WDR49: variants seen among roughly 807,000 people sequenced by gnomAD.
The protein encoded by WDR49 is cilia- and flagella-associated protein 337.
A neutral mutation model predicts 119.5 loss-of-function variants in WDR49; 107 were observed. That is an observed-to-expected ratio of 0.90 (90% CI 0.77 to 1.05). The LOEUF is 1.05. Ranked by LOEUF, WDR49 falls within the 50% of genes least tolerant of loss-of-function variation. The pLI is 0.00. For missense variants in WDR49, 1,240 were observed against 1,220.5 expected (o/e 1.02, Z -0.24); for synonymous variants, 425 against 418.8 (o/e 1.01, Z -0.18).
At chr3:167,614,247 G>A (rs1203808460) in intron 5 of WDR49, among the ~76,000 whole-genome samples, 4 of 151,796 alleles carry the variant, frequency 2.6e-5, no homozygotes, top group South Asian at 4.2e-4. Flanking sequence ...GATTACAAGC[G>A]CCCACCACCA....
In WDR49 at chr3:167,503,730, G is replaced by C. The variant is rs142600048; in HGVS notation, c.2884+1577C>G. 1.3e-3 allele frequency among the ~76,000 whole-genome samples: 201 copies of C among 152,292 alleles called. 4 individuals carry two copies. The East Asian group carries it at 0.03, about 23-fold the overall frequency. ...GAAGGTGGCCAGCAGCAGTGGTGGAGGGCGACTGAAAGCTCAGCCCGAGCC... is the reference window on the plus strand; with the variant it reads ...GAAGGTGGCCAGCAGCAGTGGTGGACGGCGACTGAAAGCTCAGCCCGAGCC... On this transcript the variant is annotated intron_variant, in intron 17 of 18. Coordinates refer to ENST00000682715, the MANE Select transcript of WDR49 (RefSeq NM_001366157.1).
Position 167,627,165 on chromosome 3 carries a change from T to A in WDR49, c.293A>T (p.Asp98Val). ...CAGCTTGTCCCAATTAATGAAGCCA[T>A]CTTGGGCCACATCCACTTTGTCAAA... Reference protein sequence around the residue: ...ELFDKVDVAQDGFINWDKLTS... With the variant: ...ELFDKVDVAQVGFINWDKLTS... The change falls in exon 3 of 19, where the codon GAT (aspartate) becomes GTT (valine). Residue 98 changes from aspartate to valine, a missense_variant. Transcript: ENST00000682715. 1.6e-6 allele frequency: 2 copies of A among 1,261,070 alleles called. No homozygotes were observed. Among genetic ancestry groups the A allele is most frequent in the Non-Finnish European group, 2.0e-6 (2 of 1,004,242 alleles). The allele number at this position is 1,261,070 out of a possible 1,614,324, so 78.1% of individuals were successfully genotyped here.
intron 5 of WDR49, among the ~76,000 whole-genome samples, chr3:167,613,905 A>C (rs889480740): frequency 2.7e-5 from 4 of 150,396 alleles, no homozygotes; most frequent in African/African-American, 9.8e-5. Flanking sequence ...AGATCATGCC[A>C]CTGCAGCCTG....
intron 11 of WDR49, 55 bp from the exon 12 acceptor site, chr3:167,533,032 T>C (rs1752904573): frequency 3.8e-6 from 5 of 1,304,264 alleles, no homozygotes; most frequent in South Asian, 1.4e-5. Context: ...ATAGAAAATA[T>C]GAGCAACAGC....
At chr3:167,492,393 T>C (rs1751174237) in intron 18 of WDR49, among the ~76,000 whole-genome samples, 1 of 152,140 alleles carries the variant, frequency 6.6e-6, no homozygotes, top group African/African-American at 2.4e-5. Context: ...AGCATTCCCA[T>C]CTAGGCTCTA....
intron 2 of WDR49, among the ~76,000 whole-genome samples, chr3:167,646,348 G>A (rs941934366): frequency 1.7e-4 from 26 of 152,106 alleles, no homozygotes; most frequent in Admixed American, 1.4e-3. Flanking sequence ...TGCTATCTCT[G>A]GGGCCAAGGA....
chr3:167,523,909 T>C (rs541117760), intron 15 of WDR49, among the ~76,000 whole-genome samples: 3 of 152,112 alleles, frequency 2.0e-5, no homozygotes, highest in Admixed American at 6.6e-5. Flanking sequence ...TGAGTATATA[T>C]TCAGTAATGG....
chr3:167,535,343 TGATA>T (rs1484290954), intron 11 of WDR49, among the ~76,000 whole-genome samples: 2 of 152,120 alleles, frequency 1.3e-5, no homozygotes, highest in Non-Finnish European at 2.9e-5. Flanking sequence ...ACTTTACATC[TGATA>T]GTATAAGGGG....
chr3:167,513,415 G>A (rs1370216890), intron 16 of WDR49, among the ~76,000 whole-genome samples: 2 of 152,128 alleles, frequency 1.3e-5, no homozygotes, highest in African/African-American at 2.4e-5. Flanking sequence ...AATGCTGCGG[G>A]AATTCATCAC....
rs76805131 is a variant in WDR49, at chr3:167,532,631, T to G, written c.2053+248A>C. ...TAAAAATGACAGTCTTGCTCCCTGCTGTCGGTAGTTCAGAAATACCAATGT... is the reference window on the plus strand; with the variant it reads ...TAAAAATGACAGTCTTGCTCCCTGCGGTCGGTAGTTCAGAAATACCAATGT... On this transcript the variant is annotated intron_variant, in intron 12 of 18. Transcript: ENST00000682715. 4.6e-3 allele frequency among the ~76,000 whole-genome samples: 707 copies of G among 152,262 alleles called. 3 individuals are homozygous for G. Among genetic ancestry groups the G allele is most frequent in the African/African-American group, 0.016 (668 of 41,568 alleles).
Position 167,528,945 on chromosome 3 carries a change from A to G in WDR49, c.2406+107T>C, listed in dbSNP as rs546735031. On this transcript the variant is annotated intron_variant, in intron 14 of 18. Coordinates refer to ENST00000682715, the MANE Select transcript of WDR49 (RefSeq NM_001366157.1). Reference sequence around the variant, plus strand: ...GTTTTATTTAAAACACTTAGACTATACATTTTTTCCTTTGTTTAGGAGACA... The same window carrying G: ...GTTTTATTTAAAACACTTAGACTATGCATTTTTTCCTTTGTTTAGGAGACA... The G allele has an allele frequency of 4.9e-6, 4 of 813,088 alleles. No individual in the cohort carries two copies. The East Asian group carries it at 8.8e-5, about 18-fold the overall frequency. 50.4% of individuals were successfully genotyped at this position (813,088 alleles called of 1,614,324 possible).
At chr3:167,606,744 C>T (rs193057350) in intron 5 of WDR49, among the ~76,000 whole-genome samples, 3 of 152,150 alleles carry the variant, frequency 2.0e-5, no homozygotes, top group African/African-American at 4.8e-5. Context: ...TTTCTCCACT[C>T]TGCCTAGAAT....
chr3:167,506,828 T>C (rs1168207657), intron 16 of WDR49, among the ~76,000 whole-genome samples: 3 of 152,238 alleles, frequency 2.0e-5, no homozygotes, highest in Admixed American at 2.0e-4. Flanking sequence ...TTGTTTATTA[T>C]GATCTTGATA....
At chr3:167,584,040 A>G (rs1714686222) in intron 7 of WDR49, among the ~76,000 whole-genome samples, 2 of 152,188 alleles carry the variant, frequency 1.3e-5, no homozygotes. Context: ...TAGGTATAAC[A>G]TTAAAGAGCT....
chr3:167,498,192 G>C (rs1255480313), intron 18 of WDR49, among the ~76,000 whole-genome samples: 1 of 152,178 alleles, frequency 6.6e-6, no homozygotes, highest in Admixed American at 6.5e-5. Flanking sequence ...TGGGATGACA[G>C]ACTGAAATCC....
chr3:167,617,293 C>CA (rs1467244323), intron 5 of WDR49, among the ~76,000 whole-genome samples: 1 of 152,124 alleles, frequency 6.6e-6, no homozygotes, highest in Non-Finnish European at 1.5e-5. Context: ...GTGGGAGGCC[C>CA]AGATGAGTGA....
At chr3:167,492,317 T>TAGTATTTGAAC (rs1375672556) in intron 18 of WDR49, among the ~76,000 whole-genome samples, 1 of 152,110 alleles carries the variant, frequency 6.6e-6, no homozygotes, top group African/African-American at 2.4e-5. Context: ...TTGATTTGAA[T>TAGTATTTGAAC]ACTATTTGAA....
chr3:167,580,343 A>G (rs1245332862), intron 7 of WDR49, among the ~76,000 whole-genome samples: 2 of 152,180 alleles, frequency 1.3e-5, no homozygotes, highest in African/African-American at 2.4e-5. Flanking sequence ...GGGTGACGGT[A>G]TATGACCTCC....
chr3:167,587,212 C>T (rs181106764), intron 7 of WDR49, among the ~76,000 whole-genome samples: 31 of 152,068 alleles, frequency 2.0e-4, no homozygotes, highest in African/African-American at 7.5e-4. Context: ...ATGAAAAATA[C>T]AATATACATA....
Sources: gnomAD v4.1 joint callset for allele counts (sites outside exome capture counted in the v4.1 genomes callset) on GRCh38, gnomAD v4.1.1 for gene constraint, MANE v1.5 for transcripts, NCBI Gene and HGNC (gene_info 2026-07-23, HGNC 2026-07-21) for gene names.